COP1: variants seen among roughly 807,000 people sequenced by gnomAD.
COP1 encodes the protein E3 ubiquitin-protein ligase COP1.
In COP1, 24 loss-of-function variants were observed where a neutral mutation model predicts 101.3. The observed-to-expected ratio is 0.24, with a 90% confidence interval of 0.17 to 0.33. COP1 has a LOEUF of 0.33. Ranked by LOEUF, COP1 falls within the 10% of genes least tolerant of loss-of-function variation. The pLI, the probability that COP1 is intolerant of heterozygous loss-of-function variation, is 1.00. For missense variants in COP1, 663 were observed against 906.2 expected, an observed-to-expected ratio of 0.73 and a Z score of 3.45; for synonymous variants, 347 against 341.9, an observed-to-expected ratio of 1.01 and a Z score of -0.17.
chr1:176,198,449 T>G (rs1184172470), intron 1 of COP1, among the ~76,000 whole-genome samples: 1 of 152,168 alleles, frequency 6.6e-6, no homozygotes. Flanking sequence ...AAACACAGTG[T>G]ATAAAAACTA....
At chr1:175,969,663 T>C (rs1458726926) in intron 18 of COP1, among the ~76,000 whole-genome samples, 47 of 152,204 alleles carry the variant, frequency 3.1e-4, no homozygotes, top group Admixed American at 3.1e-3. Flanking sequence ...GCCTTCTGTG[T>C]CACGTAAAAC....
chr1:175,992,478 G>A (rs1186667036), intron 15 of COP1, among the ~76,000 whole-genome samples: 1 of 152,214 alleles, frequency 6.6e-6, no homozygotes, highest in Non-Finnish European at 1.5e-5. Flanking sequence ...GGGTCAGGGA[G>A]TTCCCTTTCC....
intron 17 of COP1, among the ~76,000 whole-genome samples, chr1:175,987,684 T>C (rs1404695294): frequency 6.6e-6 from 1 of 152,218 alleles, no homozygotes; most frequent in Non-Finnish European, 1.5e-5. Flanking sequence ...GGCAGTCTCA[T>C]ACATATGTGG....
intron 15 of COP1, among the ~76,000 whole-genome samples, chr1:176,016,309 T>C (rs1202684705): frequency 6.6e-6 from 1 of 151,924 alleles, no homozygotes; most frequent in Non-Finnish European, 1.5e-5. Context: ...AACTGAGAAC[T>C]ATAGATGGGA....
intron 14 of COP1, among the ~76,000 whole-genome samples, chr1:176,033,289 G>T (rs535745769): frequency 9.2e-5 from 14 of 152,070 alleles, no homozygotes; most frequent in African/African-American, 3.4e-4. Context: ...GGGCGAGGGT[G>T]GGGGGAACAT....
At chr1:176,095,985 G>A (rs1198990803) in intron 9 of COP1, among the ~76,000 whole-genome samples, 1 of 152,180 alleles carries the variant, frequency 6.6e-6, no homozygotes, top group African/African-American at 2.4e-5. Flanking sequence ...GACAAAATGA[G>A]AAGTATGCAC....
chr1:176,012,531 T>C (rs890384259), intron 15 of COP1, among the ~76,000 whole-genome samples: 4 of 152,234 alleles, frequency 2.6e-5, no homozygotes, highest in African/African-American at 9.6e-5. Context: ...CAAAGAACTA[T>C]TAACAAATAA....
At chr1:176,003,293 T>G (rs1205987622) in intron 15 of COP1, among the ~76,000 whole-genome samples, 1 of 150,792 alleles carries the variant, frequency 6.6e-6, no homozygotes, top group South Asian at 2.1e-4. Context: ...TCTCCCATTC[T>G]GTAGGTTGCC....
At chr1:176,025,157 CA>C (rs1161085886) in intron 15 of COP1, among the ~76,000 whole-genome samples, 2 of 151,978 alleles carry the variant, frequency 1.3e-5, no homozygotes, top group African/African-American at 2.4e-5. Flanking sequence ...TAAAGTAAAA[CA>C]ATTTGAATAA....
intron 18 of COP1, among the ~76,000 whole-genome samples, chr1:175,959,484 A>G (rs1001396953): frequency 2.6e-5 from 4 of 152,128 alleles, no homozygotes; most frequent in Admixed American, 1.3e-4. Context: ...ATATAAAGGT[A>G]TAAGTACTGG....
intron 15 of COP1, among the ~76,000 whole-genome samples, chr1:175,995,633 A>C (rs1222102650): frequency 6.6e-6 from 1 of 152,228 alleles, no homozygotes; most frequent in Non-Finnish European, 1.5e-5. Context: ...ACACAAATAA[A>C]CTTGAAAATC....
chr1:176,114,540 T>C (rs1221436304), intron 9 of COP1, among the ~76,000 whole-genome samples: 8 of 150,964 alleles, frequency 5.3e-5, no homozygotes, highest in Middle Eastern at 3.2e-3. Context: ...AAACACCTCA[T>C]TGTTTTTTGT....
intron 15 of COP1, among the ~76,000 whole-genome samples, chr1:176,005,874 G>A (rs965170297): frequency 2.0e-5 from 3 of 152,120 alleles, no homozygotes; most frequent in Non-Finnish European, 4.4e-5. Context: ...TCCGCTTGGT[G>A]CAGAGCTGAG....
chr1:175,987,032 T>C lies in COP1; in HGVS notation c.2044A>G (p.Thr682Ala). 1 of 1,608,810 alleles carries C rather than the reference T, an allele frequency of 6.2e-7. No homozygotes were observed. Among genetic ancestry groups the C allele is most frequent in the Non-Finnish European group, 8.5e-7 (1 of 1,175,944 alleles). ...SKTLLTFKFD[T>A]VKSVLDKDRK... ...TCTTTGTCGAGAACACTTTTGACTG[T>C]ATCAAACTTAAAAGTTAGCAAAGTC... Residue 682 changes from threonine (T) to alanine (A), a missense_variant, in exon 18 of 20, where the codon ACA becomes GCA. Coordinates refer to ENST00000367669, the MANE Select transcript of COP1 (RefSeq NM_022457.7).
rs1692920912 is a variant in COP1, at chr1:176,153,364, CT to C, written c.763-4291del. ...GACTCTAAAGACTAGATAACAAATC[CT>C]TTTATAAGTCAGGTAGTTCCCAAGT... On this transcript the variant is annotated intron_variant, in intron 5 of 19. Transcript: ENST00000367669. 2.0e-5 allele frequency among the ~76,000 whole-genome samples: 3 copies of C among 152,196 alleles called. No homozygotes were observed. In the South Asian group the frequency reaches 6.2e-4, roughly 32 times the overall value.
At chr1:176,133,124 A>C (rs1178591059) in intron 8 of COP1, among the ~76,000 whole-genome samples, 1 of 149,066 alleles carries the variant, frequency 6.7e-6, no homozygotes, top group Non-Finnish European at 1.5e-5. Flanking sequence ...TATATACTAT[A>C]TATACCCATA....
intron 14 of COP1, among the ~76,000 whole-genome samples, chr1:176,029,480 T>C (rs1389885525): frequency 6.6e-6 from 1 of 152,186 alleles, no homozygotes; most frequent in Admixed American, 6.5e-5. Context: ...ATAAAATAGA[T>C]TTTCAGTATA....
chr1:175,989,347 G>A lies in COP1; in HGVS notation c.1847+15C>T, dbSNP rs765032631. The A allele has an allele frequency of 9.9e-6, 13 of 1,307,386 alleles. No individual in the cohort carries two copies. The highest frequency in any genetic ancestry group is 1.3e-5 in the Non-Finnish European group (12 of 900,388). The allele number at this position is 1,307,386 out of a possible 1,614,324, so 81.0% of individuals were successfully genotyped here. ...CTCTGTATTAAGCTCAACCTCTGAGGAGAGTAATACTCACGCAGAGACAAT... is the reference window on the plus strand; with the variant it reads ...CTCTGTATTAAGCTCAACCTCTGAGAAGAGTAATACTCACGCAGAGACAAT... On this transcript the variant is annotated intron_variant, in intron 16 of 19. Transcript: ENST00000367669.
At chr1:176,148,254 CTATT>C (rs1189338844) in intron 6 of COP1, among the ~76,000 whole-genome samples, 4 of 152,070 alleles carry the variant, frequency 2.6e-5, no homozygotes, top group African/African-American at 9.7e-5. Context: ...CATCTCTTAT[CTATT>C]TATTGTCAAA....
Sources: gnomAD v4.1 joint callset for allele counts (sites outside exome capture counted in the v4.1 genomes callset) on GRCh38, gnomAD v4.1.1 for gene constraint, MANE v1.5 for transcripts, NCBI Gene and HGNC (gene_info 2026-07-23, HGNC 2026-07-21) for gene names.